FMO3: variants seen among roughly 807,000 people sequenced by gnomAD.
FMO3 encodes the protein flavin-containing monooxygenase 3.
FMO3 carries 40 observed loss-of-function variants against 39.4 expected under a neutral mutation model. The ratio of observed to expected loss-of-function variants is 1.02; its 90% CI spans 0.79 to 1.32. The LOEUF is 1.32. Ranked by LOEUF, FMO3 falls within the 40% of genes most tolerant of loss-of-function variation. The pLI is 0.00. For missense variants in FMO3, 680 were observed against 651.8 expected, an observed-to-expected ratio of 1.04 and a Z score of -0.47; for synonymous variants, 219 against 228.8, an observed-to-expected ratio of 0.96 and a Z score of 0.39.
chr1:171,096,176 ATAATATAT>A (rs1235756682), intron 2 of FMO3, among the ~76,000 whole-genome samples: 3 of 72,402 alleles, frequency 4.1e-5, no homozygotes, highest in African/African-American at 2.0e-4. Context: ...ATAATTATAT[ATAATATAT>A]TAATATATAT....
chr1:171,111,432 C>A (rs990012598), intron 6 of FMO3, among the ~76,000 whole-genome samples: 1 of 152,150 alleles, frequency 6.6e-6, no homozygotes. Flanking sequence ...GTAGAAGCAG[C>A]GTTCAAAACA....
At chr1:171,107,301 C>T (rs1003491208) in intron 3 of FMO3, among the ~76,000 whole-genome samples, 1 of 152,116 alleles carries the variant, frequency 6.6e-6, no homozygotes, top group Non-Finnish European at 1.5e-5. Context: ...TGGTTCAGTA[C>T]ATCTATCTTT....
At chr1:171,101,264 G>C (rs186229170) in intron 2 of FMO3, 16 of 454,420 alleles carry the variant, frequency 3.5e-5, no homozygotes, top group South Asian at 2.3e-4. Context: ...CTGACTTCTA[G>C]AACTGTGAAT....
rs201782577 is a variant in FMO3, at chr1:171,116,252, A to G, written c.1228A>G (p.Asn410Asp). Residue 410 changes from asparagine to aspartate, a missense_variant, in exon 8 of 9, where the codon AAT becomes GAT. By Grantham distance (23) the Asn-to-Asp change is conservative. Coordinates refer to ENST00000367755, the MANE Select transcript of FMO3 (RefSeq NM_001002294.3). ...PSMEDMMNDI[N>D]EKMEKKRKWF... ...TATGGAAGACATGATGAATGATATTAATGAGAAAATGGAGAAAAAGCGCAA... is the reference window on the plus strand; with the variant it reads ...TATGGAAGACATGATGAATGATATTGATGAGAAAATGGAGAAAAAGCGCAA... The G allele has an allele frequency of 4.4e-6, 7 of 1,603,466 alleles. No individual in the cohort carries two copies. The highest frequency in any genetic ancestry group is 5.1e-6 in the Non-Finnish European group (6 of 1,170,646).
In FMO3 at chr1:171,108,159, G is replaced by T; in HGVS notation, c.565G>T (p.Val189Leu). 1.9e-6 allele frequency: 3 copies of T among 1,613,934 alleles called. No individual in the cohort carries two copies. Among genetic ancestry groups the T allele is most frequent in the Non-Finnish European group, 2.5e-6 (3 of 1,179,918 alleles). The change falls in exon 5 of 9, where the codon GTG becomes TTG. Residue 189 changes from valine (V) to leucine (L), a missense_variant. Physicochemically the swap from Val to Leu is conservative, Grantham distance 32. Coordinates refer to ENST00000367755, the MANE Select transcript of FMO3 (RefSeq NM_001002294.3). ...PGVFNGKRVL[V>L]VGLGNSGCDI... Reference sequence around the variant, plus strand: ...TGTATTCAATGGAAAGCGTGTCCTGGTGGTTGGCCTGGGGAATTCGGGCTG... The same window carrying T: ...TGTATTCAATGGAAAGCGTGTCCTGTTGGTTGGCCTGGGGAATTCGGGCTG...
intron 2 of FMO3, among the ~76,000 whole-genome samples, chr1:171,096,445 T>C (rs1243201312): frequency 9.5e-6 from 1 of 105,172 alleles, no homozygotes; most frequent in African/African-American, 3.9e-5. Flanking sequence ...ACATATTTTA[T>C]ATATTAAATA....
At chr1:171,098,752 T>C (rs534988854) in intron 2 of FMO3, among the ~76,000 whole-genome samples, 13 of 152,190 alleles carry the variant, frequency 8.5e-5, no homozygotes, top group South Asian at 6.2e-4. Context: ...ACAATTTGAC[T>C]TCCTCTTTTC....
chr1:171,112,849 G>C (rs1655975312), intron 6 of FMO3, among the ~76,000 whole-genome samples: 2 of 152,220 alleles, frequency 1.3e-5, no homozygotes, highest in Admixed American at 6.5e-5. Flanking sequence ...TGAGTCCTGA[G>C]GTATGCCATT....
intron 2 of FMO3, among the ~76,000 whole-genome samples, chr1:171,094,282 A>G (rs985141912): frequency 6.6e-6 from 1 of 151,868 alleles, no homozygotes; most frequent in Non-Finnish European, 1.5e-5. Flanking sequence ...ATGCTTATTT[A>G]TCTCCTTTTT....
intron 5 of FMO3, among the ~76,000 whole-genome samples, chr1:171,109,709 T>G (rs1655818265): frequency 6.6e-6 from 1 of 151,740 alleles, no homozygotes; most frequent in Non-Finnish European, 1.5e-5. Context: ...ACCCAGCTAC[T>G]TTTTGTATTT....
At chr1:171,094,547 T>A (rs937274694) in intron 2 of FMO3, among the ~76,000 whole-genome samples, 10 of 152,160 alleles carry the variant, frequency 6.6e-5, no homozygotes, top group African/African-American at 2.4e-4. Context: ...TTTTACCTAT[T>A]TTTTTCTAGA....
rs1553228408 is a variant in FMO3 at position 171,096,759 on chromosome 1, A to AAT, written c.132+3975_132+3976dup. Among the ~76,000 whole-genome samples, 21 of 135,418 alleles carry AAT rather than the reference A, an allele frequency of 1.6e-4. No individual in the cohort carries two copies. In the East Asian group the frequency reaches 1.9e-3, roughly 12 times the overall value. 88.8% of individuals were successfully genotyped at this position (135,418 alleles called of 152,430 possible). A position where few individuals can be genotyped will look rare whatever the true frequency, so the allele number is the denominator to read the frequency against. ...ATATAATTAATATAATTATATTAAA[A>AAT]ATATATAATTAATATAATTATATTA... On this transcript the variant is annotated intron_variant, in intron 2 of 8. Transcript: ENST00000367755.
intron 6 of FMO3, 120 bp from the exon 7 acceptor site, chr1:171,113,887 C>G: frequency 3.1e-6 from 2 of 648,466 alleles, no homozygotes; most frequent in Non-Finnish European, 5.3e-6. Flanking sequence ...TGGAGATACT[C>G]TATGCCTCAG....
intron 2 of FMO3, among the ~76,000 whole-genome samples, chr1:171,098,223 G>A (rs950938515): frequency 3.9e-5 from 6 of 152,156 alleles, no homozygotes; most frequent in Non-Finnish European, 8.8e-5. Context: ...GTCAGGTAGT[G>A]TGATGCCTCC....
chr1:171,107,965 G>A (rs1655723840), intron 4 of FMO3, 114 bp from the exon 5 acceptor site: 2 of 1,367,868 alleles, frequency 1.5e-6, no homozygotes, highest in South Asian at 2.3e-5. Context: ...AATATGCTTG[G>A]TGTGTTAAAA....
Position 171,113,787 on chromosome 1 carries a change from G to A in FMO3, c.828-220G>A, listed in dbSNP as rs1192735214. The stretch of plus-strand genomic sequence containing the variant: ...TTGGAAAGAGCTCCATGGAAGAGAA[G>A]GATCACAGAAAATAGAGATGGGGCC... On this transcript the variant is annotated intron_variant, in intron 6 of 8. Transcript: ENST00000367755. 2.0e-5 allele frequency among the ~76,000 whole-genome samples: 3 copies of A among 152,236 alleles called. No individual in the cohort carries two copies. In the East Asian group the frequency reaches 5.8e-4, roughly 29 times the overall value.
chr1:171,106,511 AAGTT>A (rs1259411990), intron 3 of FMO3, among the ~76,000 whole-genome samples: 1 of 152,202 alleles, frequency 6.6e-6, no homozygotes, highest in East Asian at 1.9e-4. Context: ...AAATGATGAA[AAGTT>A]AGAAGCATTC....
intron 3 of FMO3, among the ~76,000 whole-genome samples, chr1:171,106,978 A>G (rs995074647): frequency 1.2e-4 from 19 of 152,200 alleles, no homozygotes; most frequent in Non-Finnish European, 5.9e-5. Flanking sequence ...AATGTAACAT[A>G]TATGTGTTTG....
intron 2 of FMO3, among the ~76,000 whole-genome samples, chr1:171,103,502 A>T (rs546819826): frequency 6.6e-6 from 1 of 152,314 alleles, no homozygotes; most frequent in Admixed American, 6.5e-5. Flanking sequence ...AATCAAAATC[A>T]AAATCAAAAA....
Sources: allele counts gnomAD v4.1 joint callset (sites outside exome capture counted in the v4.1 genomes callset), GRCh38; gene constraint gnomAD v4.1.1; transcripts MANE v1.5; gene names NCBI Gene and HGNC (gene_info 2026-07-23, HGNC 2026-07-21).